The following CCDC150 variants were observed in gnomAD, a reference collection of about 807,000 sequenced individuals.
CCDC150 encodes the protein coiled-coil domain-containing protein 150.
A neutral mutation model predicts 156.5 loss-of-function variants in CCDC150; 151 were observed. The observed-to-expected ratio is 0.97, with a 90% CI of 0.85 to 1.10. CCDC150 has a LOEUF of 1.10. CCDC150 is among the 50% of genes least tolerant of loss of function. The pLI is 0.00. For missense variants in CCDC150, 1,312 were observed against 1,268.1 expected, an observed-to-expected ratio of 1.03 and a Z score of -0.53; for synonymous variants, 452 against 429.4, an observed-to-expected ratio of 1.05 and a Z score of -0.65.
intron 17 of CCDC150, among the ~76,000 whole-genome samples, chr2:196,713,964 A>C (rs889914842): frequency 4.6e-5 from 7 of 152,308 alleles, no homozygotes; most frequent in African/African-American, 1.7e-4. Context: ...TTTGAGCTAA[A>C]ATGCTTGGAT....
intron 17 of CCDC150, chr2:196,713,516 C>T (rs1697281760): frequency 6.4e-7 from 1 of 1,550,540 alleles, no homozygotes. Context: ...TGCACCTAAC[C>T]TGCCTTCTAT....
chr2:196,721,489 C>T (rs1697907918), intron 20 of CCDC150, 33 bp from the exon 21 acceptor site: 10 of 1,556,078 alleles, frequency 6.4e-6, no homozygotes, highest in African/African-American at 1.4e-5. Flanking sequence ...CTGTCCATTA[C>T]AGTGGAATTG....
chr2:196,663,271 A>G (rs1693657185), intron 5 of CCDC150, among the ~76,000 whole-genome samples: 1 of 152,180 alleles, frequency 6.6e-6, no homozygotes, highest in Admixed American at 6.5e-5. Flanking sequence ...AAATTGTCTA[A>G]AAGTGCCCAA....
At chr2:196,725,602 A>G (rs58357627) in intron 21 of CCDC150, among the ~76,000 whole-genome samples, 6,252 of 152,316 alleles carry the variant, frequency 0.041, 417 homozygotes, top group African/African-American at 0.14. Flanking sequence ...CAGCAGGCTG[A>G]CTCCAAAACC....
At chr2:196,677,146 A>G (rs767645575) in intron 12 of CCDC150, 147 bp from the exon 13 acceptor site, 16 of 716,438 alleles carry the variant, frequency 2.2e-5, no homozygotes, top group Middle Eastern at 2.3e-4. Context: ...TGCCTCAGAG[A>G]CTCCCTGATT....
At chr2:196,713,749 C>G (rs1282645933) in intron 17 of CCDC150, 15 of 1,359,448 alleles carry the variant, frequency 1.1e-5, no homozygotes, top group Non-Finnish European at 1.4e-5. Flanking sequence ...AAATATTAAT[C>G]CAGAAATATA....
intron 1 of CCDC150, among the ~76,000 whole-genome samples, chr2:196,640,043 C>T (rs1381965011): frequency 6.6e-6 from 1 of 152,182 alleles, no homozygotes; most frequent in Non-Finnish European, 1.5e-5. Context: ...CCAATACCAC[C>T]TTTATTTATG....
intron 2 of CCDC150, 144 bp from the exon 3 acceptor site, chr2:196,656,489 G>T: frequency 1.6e-6 from 1 of 625,836 alleles, no homozygotes. Flanking sequence ...TCCCTATGTG[G>T]AGGGAGAGTC....
chr2:196,686,726 C>T (rs1251382173), intron 13 of CCDC150, among the ~76,000 whole-genome samples: 3 of 151,864 alleles, frequency 2.0e-5, no homozygotes, highest in Non-Finnish European at 4.4e-5. Flanking sequence ...TATTTCATCA[C>T]CCAGATATTA....
At chr2:196,698,861 C>T (rs1203037705) in intron 14 of CCDC150, among the ~76,000 whole-genome samples, 2 of 152,164 alleles carry the variant, frequency 1.3e-5, no homozygotes. Flanking sequence ...CGGCAACAGG[C>T]CCCAGTGTGT....
chr2:196,701,571 G>A (rs986750201), intron 15 of CCDC150, among the ~76,000 whole-genome samples: 1 of 152,190 alleles, frequency 6.6e-6, no homozygotes, highest in African/African-American at 2.4e-5. Context: ...TTTGCTGCCT[G>A]TGGGTTTTGT....
intron 2 of CCDC150, among the ~76,000 whole-genome samples, chr2:196,652,949 G>A (rs140055826): frequency 1.3e-5 from 2 of 152,346 alleles, no homozygotes; most frequent in African/African-American, 4.8e-5. Context: ...TGTATCTGGG[G>A]CCCTTTGAGC....
chr2:196,730,900 G>T lies in CCDC150; in HGVS notation c.3024G>T (p.Glu1008Asp). Residue 1008 changes from glutamate (E) to aspartate (D), a missense_variant, in exon 26 of 28, where the codon GAG becomes GAT. Transcript: ENST00000389175. The part of the protein sequence containing the change: ...ETVRHLKKCK[E>D]ATENTLKEAS... ...TCAGACACCTGAAGAAATGTAAAGA[G>T]GCAACAGAGAATACGCTGAAAGAAG... is the stretch of plus-strand genomic sequence containing the variant. The T allele has an allele frequency of 6.2e-7, 1 of 1,602,206 alleles. No individual in the cohort carries two copies. The highest frequency in any genetic ancestry group is 8.5e-7 in the Non-Finnish European group (1 of 1,174,236).
chr2:196,719,207 GGAC>G (rs1697726826), intron 18 of CCDC150: 1 of 223,184 alleles, frequency 4.5e-6, no homozygotes. Context: ...CGCCACCTCT[GGAC>G]GCAGGTTGTG....
intron 22 of CCDC150, chr2:196,727,619 A>T (rs1698282449): frequency 6.6e-6 from 1 of 152,228 alleles, no homozygotes; most frequent in South Asian, 2.1e-4. Context: ...CTATATAAAT[A>T]CAAATGTTAT....
intron 16 of CCDC150, 185 bp from the exon 17 acceptor site, chr2:196,712,492 A>G (rs887558436): frequency 2.5e-5 from 15 of 596,630 alleles, no homozygotes; most frequent in African/African-American, 2.0e-4. Context: ...TAGTTAGGAA[A>G]TGTACTCCAT....
intron 17 of CCDC150, chr2:196,713,659 A>C (rs1414612877): frequency 7.1e-7 from 1 of 1,413,824 alleles, no homozygotes; most frequent in Non-Finnish European, 9.3e-7. Context: ...ATGATGAATC[A>C]CCAAATTTTC....
At chr2:196,662,089 T>G (rs1212009269) in intron 5 of CCDC150, among the ~76,000 whole-genome samples, 1 of 152,120 alleles carries the variant, frequency 6.6e-6, no homozygotes, top group Non-Finnish European at 1.5e-5. Flanking sequence ...GATATAAAGT[T>G]TAGGAAAGTA....
Position 196,712,700 on chromosome 2 carries a change from G to T in CCDC150, c.1827G>T (p.Lys609Asn). Residue 609 changes from lysine to asparagine, a missense_variant, in exon 17 of 28, where the codon AAG (lysine) becomes AAT (asparagine). By Grantham distance (94) the Lys-to-Asn change is moderately conservative (BLOSUM62 0). Transcript: ENST00000389175. ...YAQANSELSA[K>N]RVHLQQADAH... The stretch of plus-strand genomic sequence containing the variant: ...AGGCAAACTCAGAACTCAGTGCCAA[G>T]AGGGTACACCTGCAGCAGGCAGATG... The T allele has an allele frequency of 6.2e-7, 1 of 1,611,060 alleles. No homozygotes were observed. Among genetic ancestry groups the T allele is most frequent in the Non-Finnish European group, 8.5e-7 (1 of 1,178,546 alleles).
Sources: allele counts gnomAD v4.1 joint callset (sites outside exome capture counted in the v4.1 genomes callset), GRCh38; gene constraint gnomAD v4.1.1; transcripts MANE v1.5; gene names NCBI Gene and HGNC (gene_info 2026-07-23, HGNC 2026-07-21).